GRIN2B: variants seen among roughly 807,000 people sequenced by gnomAD.
GRIN2B encodes the protein glutamate receptor ionotropic, NMDA 2B.
GRIN2B carries 5 observed loss-of-function variants against 114.5 expected under a neutral mutation model. That is an observed-to-expected ratio of 0.04 (90% CI 0.02 to 0.09). The LOEUF (loss-of-function observed/expected upper bound fraction) is 0.09. GRIN2B is among the 10% of genes least tolerant of loss of function. GRIN2B has a pLI of 1.00. For synonymous variants in GRIN2B, 787 were observed against 745.1 expected (o/e 1.06, Z -0.92); for missense variants, 1,108 against 1,943.5 (o/e 0.57, Z 8.08).
At chr12:13,704,180 C>A (rs1294582755) in intron 4 of GRIN2B, among the ~76,000 whole-genome samples, 2 of 152,048 alleles carry the variant, frequency 1.3e-5, no homozygotes, top group African/African-American at 4.8e-5. Context: ...GATGCTGAGA[C>A]CGGGAGGCTG....
chr12:13,700,314 G>A (rs985379410), intron 4 of GRIN2B, among the ~76,000 whole-genome samples: 12 of 152,148 alleles, frequency 7.9e-5, no homozygotes, highest in African/African-American at 2.7e-4. Context: ...CTACTACAAT[G>A]AGAACATAAC....
intron 2 of GRIN2B, 45 bp from the exon 3 acceptor site, chr12:13,866,271 C>G (rs45592131): frequency 1.0e-5 from 16 of 1,541,690 alleles, no homozygotes; most frequent in Non-Finnish European, 1.2e-5. Context: ...ATCTACATCA[C>G]GTAACCTGTC....
At position 13,813,432 on chromosome 12, in the gene GRIN2B, C is replaced by T. The variant is rs139808517; in HGVS notation, c.411+52366G>A. Among the ~76,000 whole-genome samples, 1,298 of 152,136 alleles carry T rather than the reference C, an allele frequency of 8.5e-3. 19 individuals carry two copies. The highest frequency in any genetic ancestry group is 0.03 in the African/African-American group (1,255 of 41,478). On this transcript the variant is annotated intron_variant, in intron 3 of 13. Transcript: ENST00000609686. ...TCCAAACATTACTACACTTCTGGGA[C>T]GCTGGGTACCAAGAATTGGAAACAG... is the stretch of plus-strand genomic sequence containing the variant.
chr12:13,812,032 C>T (rs1864739004), intron 3 of GRIN2B, among the ~76,000 whole-genome samples: 1 of 152,122 alleles, frequency 6.6e-6, no homozygotes, highest in South Asian at 2.1e-4. Flanking sequence ...CTCCGTGACT[C>T]GTGGCCAATC....
intron 2 of GRIN2B, among the ~76,000 whole-genome samples, chr12:13,925,289 C>G (rs1219376139): frequency 1.3e-5 from 2 of 152,056 alleles, no homozygotes; most frequent in African/African-American, 4.8e-5. Context: ...CTGCAAAATC[C>G]TATTTTACGA....
At chr12:13,597,874 T>G (rs1027050659) in intron 10 of GRIN2B, among the ~76,000 whole-genome samples, 12 of 152,200 alleles carry the variant, frequency 7.9e-5, no homozygotes, top group Admixed American at 5.9e-4. Context: ...TAATATATGT[T>G]CATTACATAG....
chr12:13,769,440 T>C (rs567321723), intron 3 of GRIN2B, among the ~76,000 whole-genome samples: 1 of 152,310 alleles, frequency 6.6e-6, no homozygotes, highest in African/African-American at 2.4e-5. Context: ...TTCGTGCATA[T>C]GCTCCCAAGT....
chr12:13,943,637 AT>A (rs1366007857), intron 2 of GRIN2B, among the ~76,000 whole-genome samples: 1 of 152,028 alleles, frequency 6.6e-6, no homozygotes, highest in African/African-American at 2.4e-5. Flanking sequence ...AGGTCTTTGT[AT>A]TTGTTGTTTC....
intron 3 of GRIN2B, among the ~76,000 whole-genome samples, chr12:13,779,099 A>C (rs993234014): frequency 2.0e-5 from 3 of 152,148 alleles, no homozygotes; most frequent in African/African-American, 7.2e-5. Flanking sequence ...CCCAGGCTGG[A>C]GTGCAGTGGT....
chr12:13,635,906 G>A (rs1949662256), intron 5 of GRIN2B, among the ~76,000 whole-genome samples: 1 of 152,166 alleles, frequency 6.6e-6, no homozygotes, highest in African/African-American at 2.4e-5. Context: ...ACAATCAGGA[G>A]TCAGGAATTT....
intron 2 of GRIN2B, among the ~76,000 whole-genome samples, chr12:13,979,060 A>T (rs1451974222): frequency 1.3e-5 from 2 of 152,160 alleles, no homozygotes; most frequent in African/African-American, 2.4e-5. Flanking sequence ...CACCCCTTCC[A>T]CATGCACAGC....
intron 10 of GRIN2B, among the ~76,000 whole-genome samples, chr12:13,586,639 T>C (rs147583349): frequency 1.1e-3 from 165 of 152,350 alleles, no homozygotes; most frequent in African/African-American, 3.7e-3. Context: ...ACAAGCCACA[T>C]AGCAGCACAG....
At chr12:13,577,500 G>A (rs1204337420) in intron 10 of GRIN2B, among the ~76,000 whole-genome samples, 1 of 152,170 alleles carries the variant, frequency 6.6e-6, no homozygotes, top group Admixed American at 6.5e-5. Context: ...GTCCTGGGCT[G>A]TTTTGGCTGC....
chr12:13,953,493 T>C (rs1465584047), intron 2 of GRIN2B, among the ~76,000 whole-genome samples: 3 of 152,234 alleles, frequency 2.0e-5, no homozygotes, highest in South Asian at 2.1e-4. Flanking sequence ...TTTACTGCTC[T>C]TTATTGCAGA....
intron 5 of GRIN2B, among the ~76,000 whole-genome samples, chr12:13,645,521 G>A (rs929021989): frequency 3.3e-5 from 5 of 152,096 alleles, no homozygotes; most frequent in Non-Finnish European, 5.9e-5. Context: ...AATGGCAGCT[G>A]TAGACTTGCT....
At chr12:13,683,229 A>T (rs1950147513) in intron 4 of GRIN2B, among the ~76,000 whole-genome samples, 1 of 152,164 alleles carries the variant, frequency 6.6e-6, no homozygotes, top group South Asian at 2.1e-4. Flanking sequence ...CAAAATGCTT[A>T]GTGGTGAGAG....
intron 10 of GRIN2B, among the ~76,000 whole-genome samples, chr12:13,599,609 C>T (rs774979383): frequency 6.6e-6 from 1 of 152,176 alleles, no homozygotes; most frequent in Non-Finnish European, 1.5e-5. Flanking sequence ...TAGCCCTCCC[C>T]GTACTAAAAC....
intron 2 of GRIN2B, among the ~76,000 whole-genome samples, chr12:13,962,290 A>C (rs968734446): frequency 1.3e-5 from 2 of 151,948 alleles, no homozygotes; most frequent in Non-Finnish European, 2.9e-5. Flanking sequence ...CTTCATGCCC[A>C]CCCCTGATTC....
chr12:13,747,048 T>C (rs892160044), intron 4 of GRIN2B, among the ~76,000 whole-genome samples: 3 of 152,132 alleles, frequency 2.0e-5, no homozygotes, highest in South Asian at 2.1e-4. Flanking sequence ...GGAATCCATT[T>C]TGAACTTTAT....
Sources: gnomAD v4.1 joint callset for allele counts (sites outside exome capture counted in the v4.1 genomes callset) on GRCh38, gnomAD v4.1.1 for gene constraint, MANE v1.5 for transcripts, NCBI Gene and HGNC (gene_info 2026-07-23, HGNC 2026-07-21) for gene names.